TSHR: variants seen among roughly 807,000 people sequenced by gnomAD.
TSHR encodes thyroid stimulating hormone receptor, also known as thyrotropin receptor.
In TSHR, 51 loss-of-function variants were observed where a neutral mutation model predicts 64.1. The observed-to-expected ratio is 0.80, with a 90% CI of 0.64 to 1.01. The LOEUF is 1.01. TSHR is among the 50% of genes least tolerant of loss of function. The pLI, the probability that TSHR is intolerant of heterozygous loss-of-function variation, is 0.00. For synonymous variants in TSHR, 361 were observed against 361.9 expected, an observed-to-expected ratio of 1.00 and a Z score of 0.03; for missense variants, 877 against 942.8, an observed-to-expected ratio of 0.93 and a Z score of 0.91.
chr14:81,036,333 T>C (rs12323491), intron 1 of TSHR, among the ~76,000 whole-genome samples: 37,190 of 151,916 alleles, frequency 0.24, 4,671 homozygotes, highest in South Asian at 0.33. Context: ...CCAAAAGCAG[T>C]GAGAGAAGAG....
intron 1 of TSHR, among the ~76,000 whole-genome samples, chr14:80,959,071 A>G (rs999910285): frequency 8.5e-5 from 13 of 152,278 alleles, no homozygotes; most frequent in African/African-American, 3.1e-4. Context: ...CCTACTACCC[A>G]TATCCCAGCC....
intron 8 of TSHR, among the ~76,000 whole-genome samples, chr14:81,134,727 C>A (rs1158989776): frequency 3.9e-5 from 6 of 152,120 alleles, no homozygotes; most frequent in Non-Finnish European, 8.8e-5. Flanking sequence ...CCAGGAGGTG[C>A]CTTTTCCTCT....
chr14:81,142,586 G>A (rs892648853), intron 9 of TSHR, among the ~76,000 whole-genome samples: 1 of 149,294 alleles, frequency 6.7e-6, no homozygotes, highest in Non-Finnish European at 1.5e-5. Context: ...GGAACCATTC[G>A]TGGGTTTTAA....
At chr14:81,106,813 C>T (rs1300954715) in intron 7 of TSHR, among the ~76,000 whole-genome samples, 3 of 151,650 alleles carry the variant, frequency 2.0e-5, no homozygotes, top group Non-Finnish European at 2.9e-5. Flanking sequence ...GGCATGATGG[C>T]GATCGCCTGT....
intron 1 of TSHR, among the ~76,000 whole-genome samples, chr14:81,036,343 G>C (rs1174194783): frequency 1.3e-5 from 2 of 152,020 alleles, no homozygotes; most frequent in Non-Finnish European, 2.9e-5. Flanking sequence ...TGAGAGAAGA[G>C]AATCAAGTTA....
intron 1 of TSHR, among the ~76,000 whole-genome samples, chr14:80,997,676 G>A (rs1242924909): frequency 6.6e-6 from 1 of 152,144 alleles, no homozygotes; most frequent in Non-Finnish European, 1.5e-5. Context: ...TATTCACAAA[G>A]ATCAAATGAA....
At chr14:81,083,102 G>A (rs1394920701) in intron 3 of TSHR, among the ~76,000 whole-genome samples, 1 of 152,144 alleles carries the variant, frequency 6.6e-6, no homozygotes, top group African/African-American at 2.4e-5. Context: ...TCCCTCGCCT[G>A]AGAACTCCCT....
At chr14:81,026,751 TTG>T (rs1424001408) in intron 1 of TSHR, among the ~76,000 whole-genome samples, 5 of 151,940 alleles carry the variant, frequency 3.3e-5, no homozygotes, top group African/African-American at 1.2e-4. Flanking sequence ...AATAAAAGCT[TTG>T]GGCCAGGCAC....
intron 6 of TSHR, 148 bp downstream of exon 6, chr14:81,092,756 G>T (rs907334681): frequency 9.0e-6 from 7 of 775,632 alleles, no homozygotes; most frequent in African/African-American, 5.2e-5. Flanking sequence ...TAATAGTATT[G>T]TCTTATGGGA....
At chr14:81,055,752 G>A (rs981158117) in intron 1 of TSHR, among the ~76,000 whole-genome samples, 2 of 152,168 alleles carry the variant, frequency 1.3e-5, no homozygotes, top group Admixed American at 6.5e-5. Flanking sequence ...TGGAATGGCT[G>A]TATTTACCCA....
chr14:81,094,157 T>A (rs1000904448), intron 6 of TSHR: 2 of 152,194 alleles, frequency 1.3e-5, no homozygotes, highest in Non-Finnish European at 2.9e-5. Flanking sequence ...TCTTCGAAGC[T>A]CAGGCTCAAA....
chr14:81,134,560 C>T (rs528265341), intron 8 of TSHR, among the ~76,000 whole-genome samples: 27 of 152,152 alleles, frequency 1.8e-4, no homozygotes, highest in South Asian at 4.2e-4. Context: ...ACCAAAAATA[C>T]GGCAATAAAC....
chr14:81,043,384 G>A (rs970738479), intron 1 of TSHR, among the ~76,000 whole-genome samples: 3 of 152,004 alleles, frequency 2.0e-5, no homozygotes, highest in Non-Finnish European at 4.4e-5. Context: ...TAACCAGGGA[G>A]GTGTAAAGTC....
chr14:81,076,062 G>T (rs925970458), intron 3 of TSHR, among the ~76,000 whole-genome samples: 2 of 152,008 alleles, frequency 1.3e-5, no homozygotes, highest in African/African-American at 2.4e-5. Context: ...ACCAAACACC[G>T]CATATTCTCA....
intron 1 of TSHR, among the ~76,000 whole-genome samples, chr14:81,055,178 GC>G (rs1245422727): frequency 6.6e-6 from 1 of 152,156 alleles, no homozygotes; most frequent in African/African-American, 2.4e-5. Flanking sequence ...TTCAGAGGAT[GC>G]AAGCCCCAAG....
At chr14:80,961,335 AGAGT>A (rs111782726) in intron 1 of TSHR, among the ~76,000 whole-genome samples, 3 of 152,358 alleles carry the variant, frequency 2.0e-5, no homozygotes, top group African/African-American at 7.2e-5. Flanking sequence ...ACATAAACAC[AGAGT>A]TATAATTGTA....
chr14:80,991,744 G>A, intron 1 of TSHR: 1 of 392,130 alleles, frequency 2.6e-6, no homozygotes, highest in Non-Finnish European at 4.5e-6. Flanking sequence ...AACTTGGAAA[G>A]GTGTCCTGCA....
chr14:81,111,286 C>G (rs953982585), intron 8 of TSHR, among the ~76,000 whole-genome samples: 1 of 152,198 alleles, frequency 6.6e-6, no homozygotes, highest in African/African-American at 2.4e-5. Flanking sequence ...GTTGAAGTAG[C>G]TGGCTTACAT....
chr14:81,129,525 C>G lies in TSHR; in HGVS notation c.693-10154C>G, dbSNP rs1035972224. Among the ~76,000 whole-genome samples, 21 of 152,176 alleles carry G rather than the reference C, an allele frequency of 1.4e-4. 1 individual carries two copies. Among genetic ancestry groups the G allele is most frequent in the African/African-American group, 5.1e-4 (21 of 41,444 alleles). On this transcript the variant is annotated intron_variant, in intron 8 of 9. Transcript: ENST00000298171. ...GTGATTTCACCTTAAATCATTCACC[C>G]CAAGCAGGCTCTACCTGCTGCACAG...
Sources: gnomAD v4.1 joint callset for allele counts (sites outside exome capture counted in the v4.1 genomes callset) on GRCh38, gnomAD v4.1.1 for gene constraint, MANE v1.5 for transcripts, NCBI Gene and HGNC (gene_info 2026-07-23, HGNC 2026-07-21) for gene names.